The following AP1M1 variants were observed in gnomAD, a reference collection of about 807,000 sequenced individuals.
AP1M1 encodes adaptor related protein complex 1 subunit mu 1.
A neutral mutation model predicts 57.1 loss-of-function variants in AP1M1; 18 were observed. The ratio of observed to expected loss-of-function variants is 0.32; its 90% confidence interval spans 0.22 to 0.47. The LOEUF (loss-of-function observed/expected upper bound fraction) is 0.47, where lower values mean the gene tolerates loss of function less well. AP1M1 is among the 20% of genes least tolerant of loss of function. The pLI is 1.00. For missense variants in AP1M1, 362 were observed against 593.5 expected (o/e 0.61, Z 4.05); for synonymous variants, 241 against 237.9 (o/e 1.01, Z -0.12).
rs1018634901 is a variant in AP1M1 at position 16,237,549 on chromosome 19, A to G, written c.*3114A>G. ...GGAGTCCGAGACCAACCTGGCCAACATGGCGAGACCCCATCTCTACTAAAA... is the reference window on the plus strand; with the variant it reads ...GGAGTCCGAGACCAACCTGGCCAACGTGGCGAGACCCCATCTCTACTAAAA... On this transcript the variant is annotated 3_prime_UTR_variant, in exon 12 of 12. Transcript: ENST00000291439. The G allele has an allele frequency of 3.3e-5, 5 of 151,974 alleles. No individual in the cohort carries two copies. Among genetic ancestry groups the G allele is most frequent in the African/African-American group, 1.2e-4 (5 of 41,384 alleles). 9.4% of individuals were successfully genotyped at this position (151,974 alleles called of 1,614,324 possible). A position where few individuals can be genotyped will look rare whatever the true frequency, so the allele number is the denominator to read the frequency against.
intron 5 of AP1M1, among the ~76,000 whole-genome samples, chr19:16,225,498 CAAG>C (rs1288601219): frequency 2.6e-5 from 4 of 152,186 alleles, no homozygotes; most frequent in Non-Finnish European, 5.9e-5. Flanking sequence ...AAAATGGATG[CAAG>C]AAGAGATGCT....
Position 16,206,031 on chromosome 19 carries a change from C to T in AP1M1, c.200-310C>T, listed in dbSNP as rs2091468057. Among the ~76,000 whole-genome samples, 1 of 152,120 alleles carries T rather than the reference C, an allele frequency of 6.6e-6. No individual in the cohort carries two copies. Among genetic ancestry groups the T allele is most frequent in the Non-Finnish European group, 1.5e-5 (1 of 68,028 alleles). ...TCTGCTCCTGGAATGAGCCTCACTC[C>T]CTCCCTGCTCAAGGCAGCCCTTCAC... On this transcript the variant is annotated intron_variant, in intron 2 of 11. Coordinates refer to ENST00000291439, the MANE Select transcript of AP1M1 (RefSeq NM_032493.4). The surrounding 1 kb of genome is among the most constrained non-coding windows in gnomAD (Gnocchi z 4.3).
chr19:16,238,037 G>C lies in AP1M1; in HGVS notation c.*3602G>C, dbSNP rs1027215363. On this transcript the variant is annotated 3_prime_UTR_variant, in exon 12 of 12. Coordinates refer to ENST00000291439, the MANE Select transcript of AP1M1 (RefSeq NM_032493.4). The stretch of plus-strand genomic sequence containing the variant: ...ATATTTTTTATAGAGATGGGGTCTC[G>C]TCATTTTGTCCACACTGGTCTCCAA... 4 of 152,038 alleles carry C rather than the reference G, an allele frequency of 2.6e-5. No homozygotes were observed. The highest frequency in any genetic ancestry group is 2.0e-4 in the Admixed American group (3 of 15,246). 9.4% of individuals were successfully genotyped at this position (152,038 alleles called of 1,614,324 possible).
At chr19:16,205,436 A>G (rs533849542) in intron 2 of AP1M1, among the ~76,000 whole-genome samples, 30 of 152,318 alleles carry the variant, frequency 2.0e-4, no homozygotes, top group African/African-American at 5.5e-4. Context: ...GCACATTGCC[A>G]GGCAGCAGGA....
Position 16,209,068 on chromosome 19 carries a change from C to T in AP1M1, c.437C>T (p.Ala146Val), listed in dbSNP as rs760488719. ...TQEGHKLETG[A>V]PRPPATVTNA... The stretch of plus-strand genomic sequence containing the variant: ...GAAGGCCACAAGCTGGAAACAGGGG[C>T]CCCGCGGCCACCAGCCACCGTCACC... The change falls in exon 5 of 12, where the codon GCC becomes GTC. Residue 146 changes from alanine (A) to valine (V), a missense_variant. Transcript: ENST00000291439. 1.8e-5 allele frequency: 29 copies of T among 1,614,152 alleles called. No homozygotes were observed. The highest frequency in any genetic ancestry group is 2.4e-5 in the Non-Finnish European group (28 of 1,180,018).
intron 5 of AP1M1, among the ~76,000 whole-genome samples, chr19:16,215,200 C>CGGGGGG (rs1192567428): frequency 1.4e-4 from 1 of 7,368 alleles, no homozygotes; most frequent in African/African-American, 4.2e-4. Flanking sequence ...AAGGCGGGGG[C>CGGGGGG]GGGGGGGGGG....
At chr19:16,218,394 CT>C (rs2091528024) in intron 5 of AP1M1, among the ~76,000 whole-genome samples, 1 of 152,202 alleles carries the variant, frequency 6.6e-6, no homozygotes, top group Non-Finnish European at 1.5e-5. Context: ...TCGAGGGGTC[CT>C]TCCTGCCGGG....
At position 16,222,207 on chromosome 19, in the gene AP1M1, TATTA is replaced by T. The variant is rs1286999760; in HGVS notation, c.547-4213_547-4210del. ...TTATTATTATTATTACTATTATTAT[TATTA>T]TTTTTTTTTTTTTTGAGATAGGTTC... On this transcript the variant is annotated intron_variant, in intron 5 of 11. Coordinates refer to ENST00000291439, the MANE Select transcript of AP1M1 (RefSeq NM_032493.4). Among the ~76,000 whole-genome samples, 784 of 132,710 alleles carry T rather than the reference TATTA, an allele frequency of 5.9e-3. 5 individuals are homozygous for T. The highest frequency in any genetic ancestry group is 0.016 in the African/African-American group (535 of 33,340). 87.1% of individuals were successfully genotyped at this position (132,710 alleles called of 152,430 possible).
chr19:16,204,541 C>T (rs1205908789), intron 2 of AP1M1, among the ~76,000 whole-genome samples: 1 of 152,212 alleles, frequency 6.6e-6, no homozygotes, highest in African/African-American at 2.4e-5. Context: ...TCCCAGCAGG[C>T]ATGGGCTCTG....
Position 16,244,882 on chromosome 19 carries a change from T to TTGTTTGTTGTTG in AP1M1, c.*10448_*10449insGTTTGTTGTTGT, listed in dbSNP as rs1555726662. The TTGTTTGTTGTTG allele has an allele frequency of 2.0e-5, 3 of 149,680 alleles. No homozygotes were observed. In the South Asian group the frequency reaches 6.3e-4, roughly 31 times the overall value. The allele number at this position is 149,680 out of a possible 1,614,324, so 9.3% of individuals were successfully genotyped here. ...TAAATAACATGGATAAAATTTGTTG[T>TTGTTTGTTGTTG]TTGTTGTTGTTGTTGTTGTTGTTGT... On this transcript the variant is annotated 3_prime_UTR_variant, in exon 12 of 12. Transcript: ENST00000291439.
intron 9 of AP1M1, among the ~76,000 whole-genome samples, chr19:16,230,440 G>A (rs942309027): frequency 2.1e-5 from 3 of 143,758 alleles, no homozygotes; most frequent in African/African-American, 2.5e-5. Context: ...TCGCTCTGTC[G>A]CCTAGGCTGG....
At chr19:16,224,238 C>T (rs185683345) in intron 5 of AP1M1, among the ~76,000 whole-genome samples, 4 of 152,324 alleles carry the variant, frequency 2.6e-5, no homozygotes, top group East Asian at 1.9e-4. Context: ...TTTATTGAGC[C>T]GAAAACAGGG....
At position 16,206,592 on chromosome 19, in the gene AP1M1, C is replaced by T. The variant is rs1212128052; in HGVS notation, c.267+184C>T. 2.2e-5 allele frequency: 14 copies of T among 641,682 alleles called. 1 individual carries two copies. Among genetic ancestry groups the T allele is most frequent in the African/African-American group, 2.0e-4 (11 of 54,092 alleles). 39.7% of individuals were successfully genotyped at this position (641,682 alleles called of 1,614,324 possible). A position where few individuals can be genotyped will look rare whatever the true frequency, so the allele number is the denominator to read the frequency against. On this transcript the variant is annotated intron_variant, in intron 3 of 11. Transcript: ENST00000291439. The surrounding 1 kb of genome is among the most constrained non-coding windows in gnomAD (Gnocchi z 4.3). ...CACGCCTGTGGAATTCTATAGCTCACGTTGCTCCCCTACCGTGGGGAAGAA... is the reference window on the plus strand; with the variant it reads ...CACGCCTGTGGAATTCTATAGCTCATGTTGCTCCCCTACCGTGGGGAAGAA...
intron 9 of AP1M1, among the ~76,000 whole-genome samples, chr19:16,231,572 G>A (rs1175234997): frequency 6.6e-6 from 1 of 151,924 alleles, no homozygotes; most frequent in Non-Finnish European, 1.5e-5. Flanking sequence ...TAAGATTACA[G>A]GCACATGCCA....
rs192013509 is a variant in AP1M1, at chr19:16,244,002, G to A, written c.*9567G>A. On this transcript the variant is annotated 3_prime_UTR_variant, in exon 12 of 12. Coordinates refer to ENST00000291439, the MANE Select transcript of AP1M1 (RefSeq NM_032493.4). ...ATGCAGGTGACATGGGTGTGCTCTC[G>A]AGAATCCATCAAGCATTGATGATTT... The A allele has an allele frequency of 4.6e-5, 7 of 152,268 alleles. No individual in the cohort carries two copies. The highest frequency in any genetic ancestry group is 1.3e-4 in the Admixed American group (2 of 15,286). The allele number at this position is 152,268 out of a possible 1,614,324, so 9.4% of individuals were successfully genotyped here.
At chr19:16,233,420 C>A in intron 9 of AP1M1, 73 bp from the exon 10 acceptor site, 1 of 1,466,156 alleles carries the variant, frequency 6.8e-7, no homozygotes, top group Non-Finnish European at 9.0e-7. Flanking sequence ...CTGCCCATCG[C>A]CACTAGGGCC....
At chr19:16,214,648 G>A (rs1039054528) in intron 5 of AP1M1, among the ~76,000 whole-genome samples, 6 of 151,732 alleles carry the variant, frequency 4.0e-5, no homozygotes, top group Admixed American at 2.0e-4. Context: ...CACCACACCC[G>A]GCCTTCTTTT....
At chr19:16,233,467 G>A (rs778826609) in intron 9 of AP1M1, 26 bp from the exon 10 acceptor site, 3 of 1,574,312 alleles carry the variant, frequency 1.9e-6, no homozygotes, top group Non-Finnish European at 2.6e-6. Context: ...GCCTAGGCCT[G>A]AGCGCCTCCC....
intron 5 of AP1M1, among the ~76,000 whole-genome samples, chr19:16,216,103 G>A (rs1232292435): frequency 2.0e-5 from 3 of 152,074 alleles, no homozygotes; most frequent in Non-Finnish European, 4.4e-5. Context: ...CTTAGATTGG[G>A]TTTCAATGTT....
Sources: allele counts gnomAD v4.1 joint callset (sites outside exome capture counted in the v4.1 genomes callset), GRCh38; gene constraint gnomAD v4.1.1; non-coding constraint Gnocchi (gnomAD v3.1); transcripts MANE v1.5; gene names NCBI Gene and HGNC (gene_info 2026-07-23, HGNC 2026-07-21).